NRXN3: variants seen among roughly 807,000 people sequenced by gnomAD.
NRXN3 encodes the protein neurexin III.
In NRXN3, 32 loss-of-function variants were observed where a neutral mutation model predicts 137.6. That is an observed-to-expected ratio of 0.23 (90% CI 0.18 to 0.31). The LOEUF (loss-of-function observed/expected upper bound fraction) is 0.31. Among genes scored for constraint, NRXN3 ranks in the 10% least tolerant of loss-of-function variants. NRXN3 has a pLI of 1.00. For synonymous variants in NRXN3, 798 were observed against 784.5 expected (o/e 1.02, Z -0.29); for missense variants, 1,574 against 2,062.5 (o/e 0.76, Z 4.59).
intron 8 of NRXN3, among the ~76,000 whole-genome samples, chr14:78,772,197 T>G (rs528244414): frequency 6.6e-6 from 1 of 152,308 alleles, no homozygotes; most frequent in Admixed American, 6.5e-5. Flanking sequence ...GTATTTATTT[T>G]TACGGTTAAC....
intron 15 of NRXN3, among the ~76,000 whole-genome samples, chr14:79,049,909 G>T (rs1228772605): frequency 6.6e-6 from 1 of 151,954 alleles, no homozygotes; most frequent in Non-Finnish European, 1.5e-5. Flanking sequence ...AATTATTCTT[G>T]ATTCTAGGCA....
At chr14:78,855,694 A>G (rs1203320470) in intron 10 of NRXN3, among the ~76,000 whole-genome samples, 1 of 152,218 alleles carries the variant, frequency 6.6e-6, no homozygotes, top group African/African-American at 2.4e-5. Flanking sequence ...TGTATCTGAC[A>G]GTATTTTTCA....
At chr14:78,585,263 G>A (rs2097050909) in intron 4 of NRXN3, among the ~76,000 whole-genome samples, 1 of 152,082 alleles carries the variant, frequency 6.6e-6, no homozygotes, top group African/African-American at 2.4e-5. Context: ...ATGGTCACAG[G>A]CAGCCAGTGC....
chr14:79,861,019 C>G lies in NRXN3; in HGVS notation c.4094-323C>G. 5.1e-6 allele frequency: 7 copies of G among 1,369,712 alleles called. No individual in the cohort carries two copies. The highest frequency in any genetic ancestry group is 5.7e-6 in the Non-Finnish European group (6 of 1,052,670). 84.8% of individuals were successfully genotyped at this position (1,369,712 alleles called of 1,614,324 possible). A position where few individuals can be genotyped will look rare whatever the true frequency, so the allele number is the denominator to read the frequency against. On this transcript the variant is annotated intron_variant, in intron 20 of 20. Coordinates refer to ENST00000335750, the MANE Select transcript of NRXN3 (RefSeq NM_001330195.2). The surrounding 1 kb of genome is among the most constrained non-coding windows in gnomAD (Gnocchi z 5.4). ...GTTTACAAATATACTAATTGTTTTT[C>G]TTTTTCTTTTCCATCCCAGGAGGTG...
chr14:79,527,728 C>A (rs2097133582), intron 16 of NRXN3, among the ~76,000 whole-genome samples: 1 of 151,756 alleles, frequency 6.6e-6, no homozygotes, highest in Non-Finnish European at 1.5e-5. Context: ...CAAAAATTAG[C>A]TGGGCGTGGT....
chr14:79,114,909 C>T (rs1218612063), intron 15 of NRXN3, among the ~76,000 whole-genome samples: 3 of 152,136 alleles, frequency 2.0e-5, no homozygotes, highest in East Asian at 1.9e-4. Context: ...AACTCTCACA[C>T]GTCTCTGGAA....
chr14:78,676,487 G>C (rs1269757528), intron 6 of NRXN3, among the ~76,000 whole-genome samples: 1 of 152,078 alleles, frequency 6.6e-6, no homozygotes, highest in Non-Finnish European at 1.5e-5. Flanking sequence ...TTTTATGAAG[G>C]CTGAGAGAGG....
chr14:79,791,104 G>A (rs2099143814), intron 19 of NRXN3: 1 of 152,174 alleles, frequency 6.6e-6, no homozygotes, highest in South Asian at 2.1e-4. Context: ...GAGATTTGGA[G>A]GGGACACACA....
chr14:79,628,619 C>T (rs962391239), intron 16 of NRXN3, among the ~76,000 whole-genome samples: 1 of 152,126 alleles, frequency 6.6e-6, no homozygotes, highest in Non-Finnish European at 1.5e-5. Context: ...TCGAGAATAC[C>T]TTGGCAGAGC....
At chr14:78,391,032 G>A (rs2090690419) in intron 4 of NRXN3, among the ~76,000 whole-genome samples, 1 of 152,186 alleles carries the variant, frequency 6.6e-6, no homozygotes, top group African/African-American at 2.4e-5. Context: ...AACATGTGGT[G>A]TTTGGTTTTC....
chr14:79,702,216 C>A lies in NRXN3; in HGVS notation c.4014+4279C>A, dbSNP rs563985678. The stretch of plus-strand genomic sequence containing the variant: ...CTTTAAAGTTCTGTTTTATTTTAAA[C>A]CAACTTAGAGTTCTATGAGTCTTTG... On this transcript the variant is annotated intron_variant, in intron 19 of 20. Transcript: ENST00000335750. Among the ~76,000 whole-genome samples, 5 of 152,184 alleles carry A rather than the reference C, an allele frequency of 3.3e-5. No individual in the cohort carries two copies. The East Asian group carries it at 9.7e-4, about 30-fold the overall frequency.
intron 1 of NRXN3, among the ~76,000 whole-genome samples, chr14:78,196,320 A>T (rs1301352121): frequency 6.6e-6 from 1 of 152,264 alleles, no homozygotes; most frequent in African/African-American, 2.4e-5. Context: ...AAGGTAAATT[A>T]TCAGAAAATA....
At chr14:79,690,139 G>A (rs1278595403) in intron 17 of NRXN3, among the ~76,000 whole-genome samples, 1 of 152,130 alleles carries the variant, frequency 6.6e-6, no homozygotes, top group African/African-American at 2.4e-5. Flanking sequence ...AAACCCTAGA[G>A]GATGAATGAC....
At chr14:79,317,115 C>G (rs536727444) in intron 15 of NRXN3, among the ~76,000 whole-genome samples, 1 of 152,018 alleles carries the variant, frequency 6.6e-6, no homozygotes, top group East Asian at 1.9e-4. Context: ...GCCTGTAATC[C>G]CAGCTACTGA....
chr14:79,804,266 A>G (rs2099194549), intron 19 of NRXN3, among the ~76,000 whole-genome samples: 1 of 152,066 alleles, frequency 6.6e-6, no homozygotes, highest in Non-Finnish European at 1.5e-5. Flanking sequence ...CATTCATTCA[A>G]TATTTATTGT....
intron 16 of NRXN3, among the ~76,000 whole-genome samples, chr14:79,561,542 G>A (rs957128075): frequency 2.0e-5 from 3 of 152,084 alleles, no homozygotes; most frequent in Admixed American, 1.3e-4. Flanking sequence ...AGTTTGGTAG[G>A]CTATGTAATT....
chr14:79,111,814 C>T (rs1188802372), intron 15 of NRXN3, among the ~76,000 whole-genome samples: 1 of 149,782 alleles, frequency 6.7e-6, no homozygotes, highest in Non-Finnish European at 1.5e-5. Flanking sequence ...TATTGTGAGA[C>T]TAAAAAAAAT....
chr14:78,617,716 A>G (rs946345766), intron 4 of NRXN3, among the ~76,000 whole-genome samples: 6 of 152,064 alleles, frequency 3.9e-5, no homozygotes, highest in Non-Finnish European at 5.9e-5. Flanking sequence ...TCTTCAGTCT[A>G]TAATGTGAGG....
At chr14:78,848,184 C>G (rs944748281) in intron 10 of NRXN3, among the ~76,000 whole-genome samples, 1 of 152,038 alleles carries the variant, frequency 6.6e-6, no homozygotes, top group Non-Finnish European at 1.5e-5. Context: ...CACCCACCAG[C>G]GCAGTACTGC....
Sources: allele counts gnomAD v4.1 joint callset (sites outside exome capture counted in the v4.1 genomes callset), GRCh38; gene constraint gnomAD v4.1.1; non-coding constraint Gnocchi (gnomAD v3.1); transcripts MANE v1.5; gene names NCBI Gene and HGNC (gene_info 2026-07-23, HGNC 2026-07-21).